Variants in TCF4 observed in about 807,000 individuals in gnomAD.
The protein encoded by TCF4 is transcription factor 4.
In TCF4, 3 loss-of-function variants were observed where a neutral mutation model predicts 82.1. That is an observed-to-expected ratio of 0.04 (90% CI 0.02 to 0.09). The LOEUF is 0.09. Ranked by LOEUF, TCF4 falls within the 10% of genes least tolerant of loss-of-function variation. The pLI is 1.00. For synonymous variants in TCF4, 276 were observed against 309.6 expected (o/e 0.89, Z 1.14); for missense variants, 518 against 852.7 (o/e 0.61, Z 4.89).
intron 6 of TCF4, among the ~76,000 whole-genome samples, chr18:55,362,376 A>G (rs2085501374): frequency 8.8e-6 from 1 of 113,058 alleles, no homozygotes; most frequent in Non-Finnish European, 1.9e-5. Context: ...GAAGGAAGGA[A>G]GGAAGGAAGG....
chr18:55,601,738 C>A (rs1008219467), intron 2 of TCF4, among the ~76,000 whole-genome samples: 1 of 152,126 alleles, frequency 6.6e-6, no homozygotes, highest in African/African-American at 2.4e-5. Context: ...GAGCCGAGAT[C>A]ATGCCACTGC....
chr18:55,437,176 TAA>T (rs1361311877), intron 5 of TCF4, among the ~76,000 whole-genome samples: 5 of 152,244 alleles, frequency 3.3e-5, no homozygotes, highest in African/African-American at 1.2e-4. Flanking sequence ...GACTTCCCTC[TAA>T]TTTGGCTTGC....
intron 6 of TCF4, among the ~76,000 whole-genome samples, chr18:55,388,977 T>G: frequency 6.6e-6 from 1 of 151,546 alleles, no homozygotes; most frequent in East Asian, 1.9e-4. Context: ...CAAAAAAAAA[T>G]TAGCCGGGCA....
At chr18:55,448,440 A>G (rs2095563353) in intron 5 of TCF4, among the ~76,000 whole-genome samples, 1 of 152,230 alleles carries the variant, frequency 6.6e-6, no homozygotes, top group Admixed American at 6.5e-5. Context: ...CAGAAAATCC[A>G]TTGTACGTTG....
At chr18:55,466,971 C>T (rs190398784) in intron 3 of TCF4, among the ~76,000 whole-genome samples, 23 of 152,318 alleles carry the variant, frequency 1.5e-4, no homozygotes, top group Admixed American at 9.8e-4. Context: ...TTTCCCACTT[C>T]CTGACCTCAC....
At chr18:55,301,747 C>G (rs1471053950) in intron 8 of TCF4, among the ~76,000 whole-genome samples, 1 of 119,588 alleles carries the variant, frequency 8.4e-6, no homozygotes, top group Non-Finnish European at 1.6e-5. Context: ...TGAGATTCTT[C>G]TTTTGCAAAC....
chr18:55,277,934 T>C (rs2061776432), intron 9 of TCF4, among the ~76,000 whole-genome samples: 1 of 152,176 alleles, frequency 6.6e-6, no homozygotes, highest in African/African-American at 2.4e-5. Context: ...GATTAGCTTT[T>C]TGTCACGGCA....
intron 8 of TCF4, among the ~76,000 whole-genome samples, chr18:55,343,328 C>T (rs532705534): frequency 1.2e-3 from 182 of 152,174 alleles, no homozygotes; most frequent in Non-Finnish European, 2.1e-3. Flanking sequence ...TCCTGCTCTA[C>T]GGAATAATCA....
chr18:55,567,166 T>C (rs1474918746), intron 3 of TCF4, among the ~76,000 whole-genome samples: 1 of 152,074 alleles, frequency 6.6e-6, no homozygotes, highest in Non-Finnish European at 1.5e-5. Flanking sequence ...AGACAAATAC[T>C]ACACAAAAGG....
chr18:55,381,619 T>C (rs544457384), intron 6 of TCF4, among the ~76,000 whole-genome samples: 1 of 152,334 alleles, frequency 6.6e-6, no homozygotes, highest in African/African-American at 2.4e-5. Context: ...AAGACAAGTG[T>C]AGCATTCAGA....
At chr18:55,228,789 A>G (rs2047061536) in intron 18 of TCF4, 58 bp downstream of exon 18, 2 of 1,586,572 alleles carry the variant, frequency 1.3e-6, no homozygotes, top group Middle Eastern at 1.9e-4. Context: ...TGCCCATCTC[A>G]GCTTGTGCCT....
intron 4 of TCF4, 115 bp from the exon 5 acceptor site, chr18:55,461,230 C>T (rs1202427993): frequency 9.9e-6 from 8 of 806,982 alleles, no homozygotes; most frequent in Non-Finnish European, 1.6e-5. Flanking sequence ...TCCACTATTC[C>T]CTCCCTGGAA....
At chr18:55,244,455 T>G (rs1178262452) in intron 15 of TCF4, among the ~76,000 whole-genome samples, 6 of 152,238 alleles carry the variant, frequency 3.9e-5, no homozygotes, top group African/African-American at 1.4e-4. Flanking sequence ...CCTTTCATAC[T>G]GAGCTAATTA....
chr18:55,370,503 C>T (rs951457621), intron 6 of TCF4, among the ~76,000 whole-genome samples: 1 of 151,994 alleles, frequency 6.6e-6, no homozygotes, highest in Non-Finnish European at 1.5e-5. Flanking sequence ...ATAGATGTAA[C>T]ATAGAAACAC....
intron 3 of TCF4, among the ~76,000 whole-genome samples, chr18:55,500,815 A>G: frequency 6.6e-6 from 1 of 152,208 alleles, no homozygotes; most frequent in East Asian, 1.9e-4. Flanking sequence ...GTTCTCCCCC[A>G]TATGCCACTG....
At chr18:55,515,755 T>C (rs1301444778) in intron 3 of TCF4, among the ~76,000 whole-genome samples, 3 of 152,138 alleles carry the variant, frequency 2.0e-5, no homozygotes, top group Admixed American at 6.5e-5. Context: ...GTGAGAAAAC[T>C]TGGCTTGAAA....
intron 8 of TCF4, among the ~76,000 whole-genome samples, chr18:55,329,207 C>G (rs1402392468): frequency 6.6e-6 from 1 of 152,184 alleles, no homozygotes. Flanking sequence ...CAATCGATAG[C>G]CTAAAGCTTA....
chr18:55,350,766 T>C lies in TCF4; in HGVS notation c.499+108A>G, dbSNP rs1443957500. 5.9e-6 allele frequency: 9 copies of C among 1,524,282 alleles called. No homozygotes were observed. The East Asian group carries it at 2.1e-4, about 36-fold the overall frequency. 94.4% of individuals were successfully genotyped at this position (1,524,282 alleles called of 1,614,324 possible). A position where few individuals can be genotyped will look rare whatever the true frequency, so the allele number is the denominator to read the frequency against. On this transcript the variant is annotated intron_variant, in intron 7 of 19. Transcript: ENST00000354452. ...CTGACAACTGAGCCAAATTTTATGG[T>C]TTTCTTGGGGTGGGAGGTAGGATGG... is the stretch of plus-strand genomic sequence containing the variant.
intron 8 of TCF4, chr18:55,332,301 T>C (rs1396916635): frequency 6.8e-6 from 1 of 147,410 alleles, no homozygotes; most frequent in Non-Finnish European, 1.5e-5. Flanking sequence ...TCCGTTTATC[T>C]AGATTTGAGG....
Sources: gnomAD v4.1 joint callset for allele counts (sites outside exome capture counted in the v4.1 genomes callset) on GRCh38, gnomAD v4.1.1 for gene constraint, MANE v1.5 for transcripts, NCBI Gene and HGNC (gene_info 2026-07-23, HGNC 2026-07-21) for gene names.